The following RFX8 variants were observed in gnomAD, a reference collection of about 807,000 sequenced individuals.
RFX8 encodes the protein DNA-binding protein RFX8.
A neutral mutation model predicts 54.6 loss-of-function variants in RFX8; 46 were observed. The observed-to-expected ratio is 0.84, with a 90% confidence interval of 0.67 to 1.08. The LOEUF is 1.08. RFX8 is among the 50% of genes least tolerant of loss of function. RFX8 has a pLI of 0.00. For missense variants in RFX8, 536 were observed against 562.3 expected, an observed-to-expected ratio of 0.95 and a Z score of 0.47; for synonymous variants, 192 against 209.5, an observed-to-expected ratio of 0.92 and a Z score of 0.72.
Position 101,405,969 on chromosome 2 carries a change from A to G in RFX8, c.902T>C (p.Met301Thr). 6 of 1,545,828 alleles carry G rather than the reference A, an allele frequency of 3.9e-6. No individual in the cohort carries two copies. The highest frequency in any genetic ancestry group is 4.4e-6 in the Non-Finnish European group (5 of 1,144,260). The stretch of plus-strand genomic sequence containing the variant: ...AAAACTATCTCTGTGGCAGAGGGTC[A>G]TGGCTTTGCTTACAGCAGTGAGAAG... ...NLLLTAVSKAMTLCHRDSFGS... is the reference protein window; with the variant it reads ...NLLLTAVSKATTLCHRDSFGS... Residue 301 changes from methionine to threonine, a missense_variant, in exon 10 of 12, where the codon ATG becomes ACG. Coordinates refer to ENST00000428343, the MANE Select transcript of RFX8 (RefSeq NM_001145664.2).
rs957874443 is a variant in RFX8 at position 101,419,082 on chromosome 2, G to A, written c.238-118C>T. On this transcript the variant is annotated intron_variant, in intron 4 of 11. Transcript: ENST00000428343. ...AATGGGATGAATTTTGTTCCAGTGC[G>A]TGTAAAGCTTTGCCTCTCAGCTTTT... 18 of 617,358 alleles carry A rather than the reference G, an allele frequency of 2.9e-5. No homozygotes were observed. In the Admixed American group the frequency reaches 4.3e-4, roughly 15 times the overall value. The allele number at this position is 617,358 out of a possible 1,614,324, so 38.2% of individuals were successfully genotyped here.
chr2:101,397,490 A>G lies in RFX8; in HGVS notation c.*58T>C, dbSNP rs1276530101. 1 of 1,173,272 alleles carries G rather than the reference A, an allele frequency of 8.5e-7. No individual in the cohort carries two copies. Among genetic ancestry groups the G allele is most frequent in the Non-Finnish European group, 1.2e-6 (1 of 850,286 alleles). 72.7% of individuals were successfully genotyped at this position (1,173,272 alleles called of 1,614,324 possible). A position where few individuals can be genotyped will look rare whatever the true frequency, so the allele number is the denominator to read the frequency against. ...CGTCAATAGAAAAACTTTAGTATTT[A>G]ATATTTTTAAGAATGCAAGTCTATC... is the stretch of plus-strand genomic sequence containing the variant. On this transcript the variant is annotated 3_prime_UTR_variant, in exon 12 of 12. Transcript: ENST00000428343.
rs1334881630 is a variant in RFX8 at position 101,397,543 on chromosome 2, T to C, written c.*5A>G. Reference sequence around the variant, plus strand: ...TTTTCTTATTCTCTATTCAAATAAATAATCTCACACATTAGCATTGTTTTC... The same window carrying C: ...TTTTCTTATTCTCTATTCAAATAAACAATCTCACACATTAGCATTGTTTTC... On this transcript the variant is annotated 3_prime_UTR_variant, in exon 12 of 12. Coordinates refer to ENST00000428343, the MANE Select transcript of RFX8 (RefSeq NM_001145664.2). 3.3e-6 allele frequency: 5 copies of C among 1,513,214 alleles called. No homozygotes were observed. In the East Asian group the frequency reaches 7.4e-5, roughly 22 times the overall value. 93.7% of individuals were successfully genotyped at this position (1,513,214 alleles called of 1,614,324 possible). A position where few individuals can be genotyped will look rare whatever the true frequency, so the allele number is the denominator to read the frequency against.
At chr2:101,424,376 T>G (rs1687052038) in intron 2 of RFX8, among the ~76,000 whole-genome samples, 1 of 152,164 alleles carries the variant, frequency 6.6e-6, no homozygotes, top group Non-Finnish European at 1.5e-5. Context: ...CAACAGGTGC[T>G]GGAGAGGATG....
chr2:101,465,950 G>A (rs1689551259), intron 2 of RFX8, among the ~76,000 whole-genome samples: 1 of 152,208 alleles, frequency 6.6e-6, no homozygotes, highest in East Asian at 1.9e-4. Context: ...GAGGTGAACA[G>A]TTGTTTCAAA....
At chr2:101,410,136 T>A (rs1330070556) in intron 9 of RFX8, among the ~76,000 whole-genome samples, 2 of 151,984 alleles carry the variant, frequency 1.3e-5, no homozygotes, top group Non-Finnish European at 2.9e-5. Context: ...AATACACACC[T>A]GCAGACGCAG....
At chr2:101,469,531 T>C (rs1342095203) in intron 1 of RFX8, among the ~76,000 whole-genome samples, 1 of 152,160 alleles carries the variant, frequency 6.6e-6, no homozygotes, top group African/African-American at 2.4e-5. Flanking sequence ...AAATGTTGGC[T>C]AAATCCGGGA....
Position 101,466,885 on chromosome 2 carries a change from G to A in RFX8, c.-37C>T, listed in dbSNP as rs1226091685. On this transcript the variant is annotated 5_prime_UTR_variant, in exon 2 of 12. Coordinates refer to ENST00000428343, the MANE Select transcript of RFX8 (RefSeq NM_001145664.2). ...GGACGCTGCACTCTTCGCAAATGCA[G>A]AAGTTGTCGACCAACCTGGAGGAGA... 4 of 1,493,104 alleles carry A rather than the reference G, an allele frequency of 2.7e-6. No individual in the cohort carries two copies. Among genetic ancestry groups the A allele is most frequent in the Non-Finnish European group, 2.7e-6 (3 of 1,093,658 alleles). The allele number at this position is 1,493,104 out of a possible 1,614,324, so 92.5% of individuals were successfully genotyped here.
intron 2 of RFX8, among the ~76,000 whole-genome samples, chr2:101,464,994 G>A (rs2148992563): frequency 6.6e-6 from 1 of 152,298 alleles, no homozygotes; most frequent in Admixed American, 6.5e-5. Context: ...ACTCAGCTCA[G>A]CCTTGGATGA....
chr2:101,423,121 G>A (rs576507887), intron 2 of RFX8, among the ~76,000 whole-genome samples: 1 of 152,222 alleles, frequency 6.6e-6, no homozygotes, highest in African/African-American at 2.4e-5. Context: ...AGCCGGGTGT[G>A]GTGGCAGACA....
In RFX8 at chr2:101,413,074, A is replaced by G; in HGVS notation, c.562-3T>C. 2 of 1,551,176 alleles carry G rather than the reference A, an allele frequency of 1.3e-6. No homozygotes were observed. The highest frequency in any genetic ancestry group is 1.7e-6 in the Non-Finnish European group (2 of 1,146,672). On this transcript the variant is annotated splice_polypyrimidine_tract_variant and splice_region_variant and intron_variant, in intron 7 of 11. Coordinates refer to ENST00000428343, the MANE Select transcript of RFX8 (RefSeq NM_001145664.2). ...CTTTTCAATACCATTCGCATAGTCT[A>G]AAGATAACAGGGAGGCATAATACTT... is the stretch of plus-strand genomic sequence containing the variant.
At chr2:101,461,542 C>T (rs1479677713) in intron 2 of RFX8, among the ~76,000 whole-genome samples, 1 of 152,124 alleles carries the variant, frequency 6.6e-6, no homozygotes, top group East Asian at 1.9e-4. Context: ...GAGAAATAAT[C>T]TGGTGTTTGG....
chr2:101,470,055 T>C (rs369660465), intron 1 of RFX8, among the ~76,000 whole-genome samples: 30 of 152,150 alleles, frequency 2.0e-4, no homozygotes, highest in African/African-American at 6.7e-4. Context: ...AGCAGAAGGT[T>C]TGAAAGTGGA....
At chr2:101,428,424 G>A (rs549020198) in intron 2 of RFX8, among the ~76,000 whole-genome samples, 5 of 152,280 alleles carry the variant, frequency 3.3e-5, no homozygotes, top group East Asian at 1.9e-4. Context: ...AGGGCCCTCC[G>A]GTAACCTGGC....
At chr2:101,411,356 A>G (rs1686113665) in intron 8 of RFX8, among the ~76,000 whole-genome samples, 1 of 152,160 alleles carries the variant, frequency 6.6e-6, no homozygotes, top group Non-Finnish European at 1.5e-5. Context: ...AACTGGAATC[A>G]TTTGCCTGCA....
intron 4 of RFX8, 125 bp from the exon 5 acceptor site, chr2:101,419,089 G>C: frequency 3.3e-6 from 2 of 611,228 alleles, no homozygotes; most frequent in Non-Finnish European, 5.9e-6. Context: ...TGCGTGTAAA[G>C]CTTTGCCTCT....
chr2:101,455,051 G>C (rs1363038866), intron 2 of RFX8, among the ~76,000 whole-genome samples: 2 of 139,478 alleles, frequency 1.4e-5, no homozygotes, highest in Non-Finnish European at 3.1e-5. Flanking sequence ...TTTCACTCTT[G>C]TTGCCGTGGA....
At chr2:101,406,559 C>T (rs1195649697) in intron 9 of RFX8, among the ~76,000 whole-genome samples, 4 of 151,992 alleles carry the variant, frequency 2.6e-5, no homozygotes, top group Non-Finnish European at 4.4e-5. Flanking sequence ...TCAAGCTGGC[C>T]TTAACTTCTA....
intron 2 of RFX8, among the ~76,000 whole-genome samples, chr2:101,451,718 T>A (rs1688693425): frequency 1.4e-5 from 2 of 144,276 alleles, no homozygotes; most frequent in South Asian, 4.4e-4. Context: ...AAAAGTAATA[T>A]AGCCTCGGGA....
Sources: allele counts gnomAD v4.1 joint callset (sites outside exome capture counted in the v4.1 genomes callset), GRCh38; gene constraint gnomAD v4.1.1; transcripts MANE v1.5; gene names NCBI Gene and HGNC (gene_info 2026-07-23, HGNC 2026-07-21).